Variants in SMG6 observed in about 807,000 individuals in gnomAD.
The protein encoded by SMG6 is SMG6 nonsense mediated mRNA decay factor.
Under a neutral mutation model 142.2 loss-of-function variants are expected in SMG6, and 66 were observed. That is an observed-to-expected ratio of 0.46 (90% CI 0.38 to 0.57). The LOEUF (loss-of-function observed/expected upper bound fraction) is 0.57, where lower values mean the gene tolerates loss of function less well. SMG6 is among the 20% of genes least tolerant of loss of function. SMG6 has a pLI of 0.00. For missense variants in SMG6, 1,793 were observed against 1,832.0 expected, an observed-to-expected ratio of 0.98 and a Z score of 0.39; for synonymous variants, 779 against 702.4, an observed-to-expected ratio of 1.11 and a Z score of -1.72.
At chr17:2,142,911 AAGT>A (rs1461705831) in intron 13 of SMG6, among the ~76,000 whole-genome samples, 11 of 151,022 alleles carry the variant, frequency 7.3e-5, no homozygotes, top group Non-Finnish European at 1.3e-4. Context: ...AAAAAAAAAA[AAGT>A]AGGCAAATAT....
intron 8 of SMG6, among the ~76,000 whole-genome samples, chr17:2,259,454 G>A (rs2074264156): frequency 6.6e-6 from 1 of 151,968 alleles, no homozygotes; most frequent in Admixed American, 6.6e-5. Flanking sequence ...CCTGTAAGAG[G>A]ATCACTTGGG....
intron 13 of SMG6, among the ~76,000 whole-genome samples, chr17:2,097,901 G>A (rs989717387): frequency 2.6e-5 from 4 of 152,118 alleles, no homozygotes; most frequent in Admixed American, 6.6e-5. Context: ...CATTTCTATC[G>A]GGGATACTCA....
rs55660022 is a variant in SMG6, at chr17:2,198,950, T to TAAAA, written c.2870-10439_2870-10436dup. Reference sequence around the variant, plus strand: ...AACCAGAAGGAAAATAAAATAAAATTAAAAAAAAAAAAAAAAAAAAAAAAG... The same window carrying TAAAA: ...AACCAGAAGGAAAATAAAATAAAATTAAAAAAAAAAAAAAAAAAAAAAAAAAAAG... On this transcript the variant is annotated intron_variant, in intron 10 of 18. Coordinates refer to ENST00000263073, the MANE Select transcript of SMG6 (RefSeq NM_017575.5). 1.4e-4 allele frequency among the ~76,000 whole-genome samples: 14 copies of TAAAA among 102,118 alleles called. 1 individual carries two copies. The highest frequency in any genetic ancestry group is 3.3e-4 in the Admixed American group (3 of 9,214). The allele number at this position is 102,118 out of a possible 152,430, so 67.0% of individuals were successfully genotyped here. A position where few individuals can be genotyped will look rare whatever the true frequency, so the allele number is the denominator to read the frequency against.
At chr17:2,255,660 G>A (rs900456900) in intron 8 of SMG6, 19 of 166,510 alleles carry the variant, frequency 1.1e-4, no homozygotes, top group South Asian at 6.6e-4. Flanking sequence ...CCCTCTGCCC[G>A]GCCACTACCC....
intron 6 of SMG6, 140 bp downstream of exon 6, chr17:2,292,412 G>GT: frequency 1.2e-6 from 1 of 806,238 alleles, no homozygotes; most frequent in South Asian, 1.7e-5. Context: ...GAGAGTAACC[G>GT]TAACAAAAGG....
intron 8 of SMG6, among the ~76,000 whole-genome samples, chr17:2,250,856 A>G (rs1279191162): frequency 6.6e-6 from 1 of 152,166 alleles, no homozygotes; most frequent in Non-Finnish European, 1.5e-5. Flanking sequence ...TCAAGCAATG[A>G]GATCACAAGG....
intron 13 of SMG6, among the ~76,000 whole-genome samples, chr17:2,143,197 C>A (rs1234494715): frequency 2.6e-5 from 4 of 152,144 alleles, no homozygotes. Flanking sequence ...ACACAGTTTA[C>A]CATATGACCA....
At chr17:2,253,529 A>AC (rs1215093048) in intron 8 of SMG6, among the ~76,000 whole-genome samples, 1 of 152,140 alleles carries the variant, frequency 6.6e-6, no homozygotes, top group Non-Finnish European at 1.5e-5. Context: ...CTTCAGAGCT[A>AC]CCACACACGT....
At chr17:2,117,190 G>A (rs903776869) in intron 13 of SMG6, among the ~76,000 whole-genome samples, 45 of 151,736 alleles carry the variant, frequency 3.0e-4, no homozygotes, top group African/African-American at 1.0e-3. Context: ...GACCTCCTGG[G>A]CTCAAGTGAT....
Position 2,292,945 on chromosome 17 carries a change from G to C in SMG6, c.2184C>G (p.Cys728Trp). The part of the protein sequence containing the change: ...VKYALISAQR[C>W]MICQGDIARY... The stretch of plus-strand genomic sequence containing the variant: ...TAGCAATATCTCCTTGGCATATCAT[G>C]CATCGCTGGGCACTGATCAAGGCAT... Residue 728 changes from cysteine to tryptophan, a missense_variant, in exon 5 of 19, where the codon TGC becomes TGG. By Grantham distance (215) the Cys-to-Trp change is radical. Transcript: ENST00000263073. 8 of 1,614,066 alleles carry C rather than the reference G, an allele frequency of 5.0e-6. No individual in the cohort carries two copies. The highest frequency in any genetic ancestry group is 6.8e-6 in the Non-Finnish European group (8 of 1,179,926).
intron 10 of SMG6, among the ~76,000 whole-genome samples, chr17:2,211,558 G>A (rs2072863518): frequency 6.6e-6 from 1 of 151,858 alleles, no homozygotes; most frequent in Admixed American, 6.6e-5. Context: ...CAGCTACTCG[G>A]GAGGCTGAGG....
In SMG6 at chr17:2,227,540, T is replaced by G. The variant is rs77210227; in HGVS notation, c.2869+8952A>C. Among the ~76,000 whole-genome samples the G allele has an allele frequency of 1.9e-3, 287 of 152,228 alleles. 2 individuals are homozygous for G. Among genetic ancestry groups the G allele is most frequent in the African/African-American group, 5.9e-3 (243 of 41,536 alleles). On this transcript the variant is annotated intron_variant, in intron 10 of 18. Coordinates refer to ENST00000263073, the MANE Select transcript of SMG6 (RefSeq NM_017575.5). ...TAGAAAAGACAAATCTAACATACGGTGACAGAAAGCAGATAAGCAGTCGCC... is the reference window on the plus strand; with the variant it reads ...TAGAAAAGACAAATCTAACATACGGGGACAGAAAGCAGATAAGCAGTCGCC...
chr17:2,105,802 T>C (rs867908874), intron 13 of SMG6, among the ~76,000 whole-genome samples: 1 of 152,350 alleles, frequency 6.6e-6, no homozygotes, highest in Middle Eastern at 3.4e-3. Context: ...AGCTGAATAC[T>C]TGATGAGCTG....
chr17:2,241,703 T>C (rs1231253089), intron 9 of SMG6, among the ~76,000 whole-genome samples: 2 of 152,230 alleles, frequency 1.3e-5, no homozygotes, highest in Non-Finnish European at 2.9e-5. Flanking sequence ...TATCTCGCTT[T>C]TTCATCATTA....
chr17:2,273,155 T>C (rs2074575304), intron 8 of SMG6, among the ~76,000 whole-genome samples: 1 of 152,176 alleles, frequency 6.6e-6, no homozygotes, highest in Middle Eastern at 3.2e-3. Context: ...GGCAGTGAGC[T>C]CTCTGTTAAT....
chr17:2,262,326 A>C (rs1940012092), intron 8 of SMG6, among the ~76,000 whole-genome samples: 1 of 152,244 alleles, frequency 6.6e-6, no homozygotes, highest in Non-Finnish European at 1.5e-5. Flanking sequence ...AAGCAGAGAA[A>C]GAACTATTTG....
In SMG6 at chr17:2,098,004, C is replaced by T. The variant is rs551144298; in HGVS notation, c.3358-12103G>A. Among the ~76,000 whole-genome samples, 16 of 152,028 alleles carry T rather than the reference C, an allele frequency of 1.1e-4. No homozygotes were observed. The South Asian group carries it at 2.5e-3, about 24-fold the overall frequency. Reference sequence around the variant, plus strand: ...CTTCTTTTTTCCTTTTCTTGGGGGGCGGGGGACAGGGTCTTGCTCTGTCCC... The same window carrying T: ...CTTCTTTTTTCCTTTTCTTGGGGGGTGGGGGACAGGGTCTTGCTCTGTCCC... On this transcript the variant is annotated intron_variant, in intron 13 of 18. Transcript: ENST00000263073.
At chr17:2,267,730 T>C (rs2074452570) in intron 8 of SMG6, among the ~76,000 whole-genome samples, 1 of 144,800 alleles carries the variant, frequency 6.9e-6, no homozygotes, top group African/African-American at 2.5e-5. Flanking sequence ...TATTTATGTA[T>C]TTTTAATTAT....
intron 4 of SMG6, among the ~76,000 whole-genome samples, chr17:2,293,618 C>CTG (rs1220188156): frequency 6.6e-6 from 1 of 152,064 alleles, no homozygotes; most frequent in African/African-American, 2.4e-5. Flanking sequence ...GATAGGCATG[C>CTG]GCCACCATGC....
Sources: allele counts gnomAD v4.1 joint callset (sites outside exome capture counted in the v4.1 genomes callset), GRCh38; gene constraint gnomAD v4.1.1; transcripts MANE v1.5; gene names NCBI Gene and HGNC (gene_info 2026-07-23, HGNC 2026-07-21).